The following FBXW12 variants were observed in gnomAD, a reference collection of about 807,000 sequenced individuals.
FBXW12 encodes the protein F-box/WD repeat-containing protein 12.
Under a neutral mutation model 55.3 loss-of-function variants are expected in FBXW12, and 43 were observed. The observed-to-expected ratio is 0.78, with a 90% CI of 0.61 to 1.00. The LOEUF (loss-of-function observed/expected upper bound fraction) is 1.00, where lower values mean the gene tolerates loss of function less well. Among genes scored for constraint, FBXW12 ranks in the 50% least tolerant of loss-of-function variants. The probability of loss-of-function intolerance (pLI) is 0.00; values close to 1 mark genes in which losing one functional copy is unlikely to be tolerated. For missense variants in FBXW12, 524 were observed against 560.5 expected (o/e 0.93, Z 0.66); for synonymous variants, 184 against 203.8 (o/e 0.90, Z 0.83).
intron 7 of FBXW12, 95 bp downstream of exon 7, chr3:48,379,653 C>G (rs1238293358): frequency 3.1e-6 from 3 of 968,070 alleles, no homozygotes; most frequent in Non-Finnish European, 4.9e-6. Context: ...ACCAGGCACA[C>G]TGCTCCTTCC....
rs778074807 is a variant in FBXW12, at chr3:48,394,536, ATGAT to A, written c.1296-23_1296-20del. Reference sequence around the variant, plus strand: ...TACCTACTTTCTCTTTTGTTCACTGATGATCTTATTTTTCCATTGACAGCTGCAT... The same window carrying A: ...TACCTACTTTCTCTTTTGTTCACTGACTTATTTTTCCATTGACAGCTGCAT... On this transcript the variant is annotated intron_variant, in intron 10 of 10. Coordinates refer to ENST00000296438, the MANE Select transcript of FBXW12 (RefSeq NM_207102.2). 2 of 1,380,516 alleles carry A rather than the reference ATGAT, an allele frequency of 1.4e-6. No individual in the cohort carries two copies. The highest frequency in any genetic ancestry group is 1.4e-5 in the African/African-American group (1 of 70,038). The allele number at this position is 1,380,516 out of a possible 1,614,324, so 85.5% of individuals were successfully genotyped here.
intron 4 of FBXW12, among the ~76,000 whole-genome samples, chr3:48,374,044 C>T (rs1009854229): frequency 6.6e-6 from 1 of 152,004 alleles, no homozygotes; most frequent in Non-Finnish European, 1.5e-5. Context: ...CTTGGCTGGG[C>T]ACAGTGGCTC....
chr3:48,372,572 G>A (rs2036617094), intron 1 of FBXW12, 112 bp from the exon 2 acceptor site: 1 of 1,299,310 alleles, frequency 7.7e-7, no homozygotes, highest in African/African-American at 1.5e-5. Flanking sequence ...CCTGCCAGCT[G>A]TGTGGATCAG....
At position 48,392,450 on chromosome 3, in the gene FBXW12, C is replaced by CAAA. The variant is rs33965777; in HGVS notation, c.1296-2087_1296-2085dup. 7.3e-4 allele frequency among the ~76,000 whole-genome samples: 53 copies of CAAA among 72,632 alleles called. 1 individual carries two copies. Among genetic ancestry groups the CAAA allele is most frequent in the Middle Eastern group, 9.4e-3 (1 of 106 alleles). The allele number at this position is 72,632 out of a possible 152,430, so 47.6% of individuals were successfully genotyped here. A position where few individuals can be genotyped will look rare whatever the true frequency, so the allele number is the denominator to read the frequency against. On this transcript the variant is annotated intron_variant, in intron 10 of 10. Coordinates refer to ENST00000296438, the MANE Select transcript of FBXW12 (RefSeq NM_207102.2). ...TGGGTGACAGAGCAACACTCAGTCT[C>CAAA]AAAAAAAAAAAAAAAAAAAAAAAAA...
rs2036714810 is a variant in FBXW12 at position 48,378,388 on chromosome 3, T to G, written c.477T>G (p.His159Gln). 1 of 1,614,018 alleles carries G rather than the reference T, an allele frequency of 6.2e-7. No homozygotes were observed. Among genetic ancestry groups the G allele is most frequent in the Non-Finnish European group, 8.5e-7 (1 of 1,180,000 alleles). The part of the protein sequence containing the change: ...FSNLVTLPQM[H>Q]LAITMDRKKT... The stretch of plus-strand genomic sequence containing the variant: ...ATCTGGTAACCCTCCCTCAGATGCA[T>G]CTCGCCATCACTATGGATCGGAAAA... Residue 159 changes from histidine to glutamine, a missense_variant, in exon 6 of 11, where the codon CAT (histidine) becomes CAG (glutamine). By Grantham distance (24) the His-to-Gln change is conservative. Transcript: ENST00000296438.
Position 48,380,891 on chromosome 3 carries a change from G to A in FBXW12, c.964G>A (p.Gly322Arg), listed in dbSNP as rs763816031. The A allele has an allele frequency of 4.3e-6, 7 of 1,613,844 alleles. No homozygotes were observed. The highest frequency in any genetic ancestry group is 4.0e-5 in the African/African-American group (3 of 74,900). Residue 322 changes from glycine (G) to arginine (R), a missense_variant, in exon 8 of 11, where the codon GGA (glycine) becomes AGA (arginine). Coordinates refer to ENST00000296438, the MANE Select transcript of FBXW12 (RefSeq NM_207102.2). ...ITFDLTTKKT[G>R]GQTVIQAYEI... ...CTTTGATCTAACAACCAAGAAGACT[G>A]GAGGCCAAACAGTCATCCAAGGTAG...
intron 1 of FBXW12, 49 bp from the exon 2 acceptor site, chr3:48,372,635 A>C: frequency 6.4e-7 from 1 of 1,572,450 alleles, no homozygotes; most frequent in South Asian, 1.2e-5. Context: ...GCACACCTGC[A>C]GCTTGTTTCT....
intron 6 of FBXW12, 87 bp downstream of exon 6, chr3:48,378,613 CT>C (rs749717436): frequency 0.073 from 42,055 of 574,286 alleles, 1,000 homozygotes; most frequent in African/African-American, 0.25. Flanking sequence ...TGTCCTATCC[CT>C]TTTTTTTTTT....
intron 10 of FBXW12, 81 bp downstream of exon 10, chr3:48,382,166 T>G (rs7635522): frequency 0.46 from 697,817 of 1,512,612 alleles, 163,460 homozygotes; most frequent in African/African-American, 0.64. Context: ...CACCAGGCTG[T>G]AGTGCAGTGG....
At chr3:48,374,473 A>C (rs2036653884) in intron 4 of FBXW12, among the ~76,000 whole-genome samples, 1 of 151,986 alleles carries the variant, frequency 6.6e-6, no homozygotes, top group South Asian at 2.1e-4. Flanking sequence ...GATTACAGGC[A>C]TTTACCACCA....
intron 1 of FBXW12, 140 bp from the exon 2 acceptor site, chr3:48,372,544 T>A: frequency 1.9e-6 from 2 of 1,080,492 alleles, no homozygotes; most frequent in Non-Finnish European, 1.3e-6. Context: ...CACTAACAAG[T>A]GGGTTTAGGT....
At chr3:48,385,859 A>T (rs1048126798) in intron 10 of FBXW12, among the ~76,000 whole-genome samples, 2 of 152,216 alleles carry the variant, frequency 1.3e-5, no homozygotes, top group African/African-American at 4.8e-5. Context: ...ACCTTTGCCC[A>T]TTTTAATATG....
rs770248433 is a variant in FBXW12, at chr3:48,378,478, C to G, written c.567C>G (p.Pro189=). 2 of 1,614,056 alleles carry G rather than the reference C, an allele frequency of 1.2e-6. No homozygotes were observed. Among genetic ancestry groups the G allele is most frequent in the Middle Eastern group, 1.7e-4 (1 of 6,054 alleles). ...DALAVLPMPQ[P]CYCMEAYLTK... ...TGGCTGTTCTCCCCATGCCACAGCC[C>G]TGTTATTGCATGGAAGCCTATCTTA... Residue 189 remains proline (P), a synonymous_variant, in exon 6 of 11, where the codon CCC becomes CCG. Transcript: ENST00000296438.
intron 10 of FBXW12, among the ~76,000 whole-genome samples, chr3:48,391,396 AATAG>A (rs773536732): frequency 6.6e-6 from 1 of 151,432 alleles, no homozygotes; most frequent in Non-Finnish European, 1.5e-5. Context: ...ATTGTCCACA[AATAG>A]ATAGTTTTAC....
Position 48,372,869 on chromosome 3 carries a change from C to T in FBXW12, c.90+12C>T, listed in dbSNP as rs779524155. On this transcript the variant is annotated intron_variant, in intron 2 of 10. Coordinates refer to ENST00000296438, the MANE Select transcript of FBXW12 (RefSeq NM_207102.2). ...CCCAGGTGAACAAGGTAAAGGCCTT[C>T]CACCTCCCACTGCCCCCCAAGCCCG... 1 of 1,612,124 alleles carries T rather than the reference C, an allele frequency of 6.2e-7. No homozygotes were observed. The highest frequency in any genetic ancestry group is 1.3e-5 in the African/African-American group (1 of 74,998).
intron 8 of FBXW12, 134 bp downstream of exon 8, chr3:48,381,046 G>T (rs1268902052): frequency 4.5e-6 from 3 of 673,710 alleles, no homozygotes; most frequent in South Asian, 4.0e-5. Flanking sequence ...TTTTTGAGAC[G>T]GAGTCTTGCT....
chr3:48,388,200 T>C (rs1337790398), intron 10 of FBXW12, among the ~76,000 whole-genome samples: 1 of 152,196 alleles, frequency 6.6e-6, no homozygotes, highest in Non-Finnish European at 1.5e-5. Flanking sequence ...CAAGATATGC[T>C]CTATCTTGGT....
intron 10 of FBXW12, among the ~76,000 whole-genome samples, chr3:48,385,784 G>A (rs2036840469): frequency 1.3e-5 from 2 of 152,090 alleles, no homozygotes; most frequent in African/African-American, 2.4e-5. Flanking sequence ...AATTCATAAT[G>A]CTGAGCATTT....
chr3:48,385,638 C>T (rs2036838612), intron 10 of FBXW12, among the ~76,000 whole-genome samples: 1 of 152,122 alleles, frequency 6.6e-6, no homozygotes, highest in Non-Finnish European at 1.5e-5. Flanking sequence ...TACATTCCCA[C>T]CTACAACATA....
Sources: allele counts gnomAD v4.1 joint callset (sites outside exome capture counted in the v4.1 genomes callset), GRCh38; gene constraint gnomAD v4.1.1; transcripts MANE v1.5; gene names NCBI Gene and HGNC (gene_info 2026-07-23, HGNC 2026-07-21).